Variants in TENM2 observed in about 807,000 individuals in gnomAD.
TENM2 encodes teneurin-2.
Under a neutral mutation model 245.2 loss-of-function variants are expected in TENM2, and 52 were observed. The ratio of observed to expected loss-of-function variants is 0.21; its 90% CI spans 0.17 to 0.27. The LOEUF is 0.27. TENM2 is among the 10% of genes least tolerant of loss of function. The probability of loss-of-function intolerance (pLI) is 1.00; values close to 1 mark genes in which losing one functional copy is unlikely to be tolerated. For missense variants in TENM2, 3,046 were observed against 3,666.8 expected, an observed-to-expected ratio of 0.83 and a Z score of 4.37; for synonymous variants, 1,363 against 1,438.9, an observed-to-expected ratio of 0.95 and a Z score of 1.19.
chr5:167,239,452 TG>T, the TENM2 span, among the ~76,000 whole-genome samples: 2 of 152,202 alleles, frequency 1.3e-5, no homozygotes, highest in Non-Finnish European at 2.9e-5. Context: ...GTTCAGGCAC[TG>T]TTTCCTCCAA....
intron 8 of TENM2, among the ~76,000 whole-genome samples, chr5:168,091,428 G>T (rs1236949869): frequency 6.6e-6 from 1 of 152,096 alleles, no homozygotes; most frequent in Non-Finnish European, 1.5e-5. Flanking sequence ...CCTTATACAT[G>T]CAATACAAAG....
intron 2 of TENM2, among the ~76,000 whole-genome samples, chr5:167,551,621 CAT>C (rs1772951701): frequency 1.3e-5 from 2 of 152,138 alleles, no homozygotes. Flanking sequence ...TACACACACA[CAT>C]ACACGCACAC....
intron 3 of TENM2, among the ~76,000 whole-genome samples, chr5:167,923,530 G>A (rs1322339756): frequency 2.0e-5 from 3 of 152,102 alleles, no homozygotes; most frequent in Admixed American, 2.0e-4. Flanking sequence ...GACGGCTTGG[G>A]TGACTTCAAA....
At chr5:167,040,341 A>C in the TENM2 span, among the ~76,000 whole-genome samples, 1 of 152,130 alleles carries the variant, frequency 6.6e-6, no homozygotes, top group Admixed American at 6.5e-5. Context: ...TTAACAATTG[A>C]GGCAGTCTTT....
At chr5:168,077,233 T>C (rs1383640818) in intron 7 of TENM2, among the ~76,000 whole-genome samples, 1 of 152,188 alleles carries the variant, frequency 6.6e-6, no homozygotes, top group Non-Finnish European at 1.5e-5. Context: ...CCAAAAGGCA[T>C]TTCCTGAAGA....
intron 9 of TENM2, among the ~76,000 whole-genome samples, chr5:168,098,948 C>T (rs945740956): frequency 6.6e-6 from 1 of 152,054 alleles, no homozygotes; most frequent in Admixed American, 6.6e-5. Context: ...GTCTCACTGT[C>T]GCCCAAACTG....
intron 9 of TENM2, among the ~76,000 whole-genome samples, chr5:168,106,343 AATCATCATC>A (rs5873089): frequency 1.3e-5 from 2 of 151,394 alleles, no homozygotes; most frequent in African/African-American, 4.9e-5. Context: ...ACTAAAAACA[AATCATCATC>A]ATCATCATCA....
intron 4 of TENM2, among the ~76,000 whole-genome samples, chr5:167,962,446 G>A (rs1447858422): frequency 2.0e-5 from 3 of 152,172 alleles, no homozygotes; most frequent in Non-Finnish European, 2.9e-5. Context: ...ATGGAACTGA[G>A]CACATAGAAT....
At chr5:168,219,852 G>T (rs1042809457) in intron 23 of TENM2, among the ~76,000 whole-genome samples, 1 of 108,898 alleles carries the variant, frequency 9.2e-6, no homozygotes, top group African/African-American at 5.0e-5. Context: ...AAAAAAAAGC[G>T]GGGGACAAGA....
At chr5:167,833,810 C>G (rs1408554605) in intron 2 of TENM2, among the ~76,000 whole-genome samples, 5 of 152,346 alleles carry the variant, frequency 3.3e-5, no homozygotes, top group Non-Finnish European at 5.9e-5. Context: ...AGAAGGTTCT[C>G]TGTTTCCCCT....
intron 3 of TENM2, among the ~76,000 whole-genome samples, chr5:167,876,781 GA>G (rs1197162488): frequency 6.6e-6 from 1 of 152,126 alleles, no homozygotes; most frequent in African/African-American, 2.4e-5. Flanking sequence ...ACTAGAATTT[GA>G]CAAGTTGGTG....
chr5:167,259,559 C>T, the TENM2 span, among the ~76,000 whole-genome samples: 2 of 152,140 alleles, frequency 1.3e-5, no homozygotes, highest in Non-Finnish European at 2.9e-5. Context: ...AAACTCAAAC[C>T]TGAAGATACA....
chr5:167,553,214 C>T (rs115503085), intron 2 of TENM2, among the ~76,000 whole-genome samples: 9 of 152,206 alleles, frequency 5.9e-5, no homozygotes, highest in Non-Finnish European at 1.3e-4. Context: ...AAGACCATTC[C>T]GGACACATAA....
chr5:168,033,299 A>G (rs1787297575), intron 5 of TENM2: 1 of 152,192 alleles, frequency 6.6e-6, no homozygotes, highest in African/African-American at 2.4e-5. Flanking sequence ...AATGATGACT[A>G]TGGTTAAGGA....
chr5:167,027,419 G>T, the TENM2 span, among the ~76,000 whole-genome samples: 3 of 152,006 alleles, frequency 2.0e-5, no homozygotes, highest in African/African-American at 7.3e-5. Context: ...CTTTCATCTG[G>T]TAAAGCTCAT....
rs549277221 is a variant in TENM2, at chr5:168,070,389, C to T, written c.1515+8124C>T. On this transcript the variant is annotated intron_variant, in intron 7 of 28. Coordinates refer to ENST00000518659, the Ensembl canonical transcript of TENM2. ...TGTATTCATTATAAGTGGCCTCTTA[C>T]GAATTCCAGTGATTCCCAGATAACT... Among the ~76,000 whole-genome samples, 5 of 152,194 alleles carry T rather than the reference C, an allele frequency of 3.3e-5. 1 individual carries two copies. The South Asian group carries it at 6.2e-4, about 19-fold the overall frequency.
At chr5:167,837,549 AG>A (rs1486826069) in intron 2 of TENM2, among the ~76,000 whole-genome samples, 8 of 152,350 alleles carry the variant, frequency 5.3e-5, no homozygotes, top group African/African-American at 1.9e-4. Context: ...TTTGACCAAA[AG>A]ATGCTGACAA....
chr5:167,116,025 G>A, the TENM2 span, among the ~76,000 whole-genome samples: 1 of 152,196 alleles, frequency 6.6e-6, no homozygotes, highest in Non-Finnish European at 1.5e-5. Flanking sequence ...TTTGCACGCT[G>A]TCTGGCACAT....
At chr5:167,953,199 A>C (rs796283274) in intron 4 of TENM2, among the ~76,000 whole-genome samples, 6 of 152,354 alleles carry the variant, frequency 3.9e-5, no homozygotes, top group African/African-American at 1.2e-4. Context: ...ATGAAGACTC[A>C]TTTGAAATTA....
Sources: gnomAD v4.1 joint callset for allele counts (sites outside exome capture counted in the v4.1 genomes callset) on GRCh38, gnomAD v4.1.1 for gene constraint, MANE v1.5 for transcripts, NCBI Gene and HGNC (gene_info 2026-07-23, HGNC 2026-07-21) for gene names.